Variants in CFAP46 observed in about 807,000 individuals in gnomAD.
The protein encoded by CFAP46 is cilia- and flagella-associated protein 46.
CFAP46 carries 245 observed loss-of-function variants against 325.7 expected under a neutral mutation model. The ratio of observed to expected loss-of-function variants is 0.75; its 90% CI spans 0.68 to 0.84. CFAP46 has a LOEUF of 0.84. CFAP46 is among the 40% of genes least tolerant of loss of function. CFAP46 has a pLI of 0.00. For synonymous variants in CFAP46, 1,523 were observed against 1,495.9 expected (o/e 1.02, Z -0.42); for missense variants, 3,346 against 3,543.0 (o/e 0.94, Z 1.41).
intron 4 of CFAP46, 123 bp downstream of exon 4, chr10:132,940,873 G>C (rs1199247112): frequency 2.1e-6 from 2 of 951,670 alleles, no homozygotes; most frequent in African/African-American, 1.6e-5. Context: ...ACACGTGCAT[G>C]AAAATCACAG....
chr10:132,842,011 G>C (rs73391244), intron 44 of CFAP46, among the ~76,000 whole-genome samples: 1 of 152,192 alleles, frequency 6.6e-6, no homozygotes, highest in Non-Finnish European at 1.5e-5. Context: ...TTTGGTGAAC[G>C]GTCTAGAGCC....
intron 57 of CFAP46, among the ~76,000 whole-genome samples, chr10:132,809,810 C>G (rs1847541681): frequency 6.6e-6 from 1 of 152,180 alleles, no homozygotes; most frequent in Non-Finnish European, 1.5e-5. Context: ...ATGTCCCGTG[C>G]CCCTTCCCGA....
chr10:132,882,361 G>C lies in CFAP46; in HGVS notation c.3628-1329C>G, dbSNP rs531763010. On this transcript the variant is annotated intron_variant, in intron 27 of 57. Transcript: ENST00000368586. ...TATAGGCTGTGTGGGGGTGGGATACGTGGGGTGTGTCTTGGTCACAGCTGT... is the reference window on the plus strand; with the variant it reads ...TATAGGCTGTGTGGGGGTGGGATACCTGGGGTGTGTCTTGGTCACAGCTGT... 2.6e-5 allele frequency among the ~76,000 whole-genome samples: 4 copies of C among 151,908 alleles called. No homozygotes were observed. In the East Asian group the frequency reaches 7.8e-4, roughly 29 times the overall value.
chr10:132,875,069 T>C (rs1434837017), intron 31 of CFAP46, among the ~76,000 whole-genome samples: 1 of 152,188 alleles, frequency 6.6e-6, no homozygotes, highest in Admixed American at 6.5e-5. Context: ...AAATGGATGC[T>C]TACAAGGCCA....
rs1564802623 is a variant in CFAP46 at position 132,924,238 on chromosome 10, G to GCCTGCCATGGTCCACCCTGATGCCTGCCA, written c.1256+457_1256+458insTGGCAGGCATCAGGGTGGACCATGGCAGG. On this transcript the variant is annotated intron_variant, in intron 11 of 57. Transcript: ENST00000368586. Reference sequence around the variant, plus strand: ...GCCATGGTCCACCCTGATGCCTGCCGCCTGCCTGCCATGGTCCACCGTGAT... The same window carrying GCCTGCCATGGTCCACCCTGATGCCTGCCA: ...GCCATGGTCCACCCTGATGCCTGCCGCCTGCCATGGTCCACCCTGATGCCTGCCACCTGCCTGCCATGGTCCACCGTGAT... Among the ~76,000 whole-genome samples the GCCTGCCATGGTCCACCCTGATGCCTGCCA allele has an allele frequency of 3.3e-4, 49 of 150,502 alleles. No homozygotes were observed. The East Asian group carries it at 8.8e-3, about 27-fold the overall frequency.
chr10:132,814,616 G>C lies in CFAP46; in HGVS notation c.7250-4C>G, dbSNP rs765026474. ...TCCTCGTATGGGTCCACGACGACTGGGTCCCGGTCAAGGAGAAACGGGAGC... is the reference window on the plus strand; with the variant it reads ...TCCTCGTATGGGTCCACGACGACTGCGTCCCGGTCAAGGAGAAACGGGAGC... On this transcript the variant is annotated splice_polypyrimidine_tract_variant and splice_region_variant and intron_variant, in intron 52 of 57. Transcript: ENST00000368586. 8 of 1,576,988 alleles carry C rather than the reference G, an allele frequency of 5.1e-6. No homozygotes were observed. The Admixed American group carries it at 1.5e-4, about 30-fold the overall frequency.
intron 22 of CFAP46, among the ~76,000 whole-genome samples, chr10:132,906,671 T>C (rs1401588339): frequency 1.9e-5 from 1 of 52,326 alleles, no homozygotes; most frequent in Non-Finnish European, 3.6e-5. Flanking sequence ...TCCTGGGCAC[T>C]GAGAAGAGTG....
intron 56 of CFAP46, chr10:132,810,724 G>C (rs1207310006): frequency 9.6e-6 from 7 of 725,552 alleles, no homozygotes; most frequent in Non-Finnish European, 1.8e-5. Context: ...GTGAGGCGCT[G>C]TGGGGACCCG....
chr10:132,850,128 C>T (rs1472000926), intron 41 of CFAP46, 116 bp downstream of exon 41: 15 of 1,065,442 alleles, frequency 1.4e-5, no homozygotes, highest in South Asian at 1.1e-4. Context: ...CTACATTTTT[C>T]TCTCTTCCTG....
chr10:132,923,170 G>T (rs985804851), intron 11 of CFAP46, among the ~76,000 whole-genome samples: 52 of 152,098 alleles, frequency 3.4e-4, no homozygotes, highest in South Asian at 2.1e-3. Flanking sequence ...AGCCATGTAG[G>T]GGTACCCCGG....
chr10:132,821,420 C>CGCTGATGTGTGCTGTGTGAGT (rs1847822058), intron 50 of CFAP46, among the ~76,000 whole-genome samples: 1 of 81,666 alleles, frequency 1.2e-5, no homozygotes, highest in Non-Finnish European at 2.3e-5. Context: ...GCTGTGTGAG[C>CGCTGATGTGTGCTGTGTGAGT]GCTGATGTGT....
chr10:132,857,491 T>A, intron 39 of CFAP46, 99 bp downstream of exon 39: 1 of 1,210,002 alleles, frequency 8.3e-7, no homozygotes. Context: ...CCATTTCAGC[T>A]AGAAGCAGAA....
At chr10:132,929,333 A>C in intron 9 of CFAP46, 1 of 611,206 alleles carries the variant, frequency 1.6e-6, no homozygotes, top group East Asian at 2.7e-5. Flanking sequence ...CAAACTGCAG[A>C]AAGTGAACTG....
intron 34 of CFAP46, among the ~76,000 whole-genome samples, chr10:132,867,150 C>A (rs1010695266): frequency 6.6e-6 from 1 of 151,580 alleles, no homozygotes; most frequent in Admixed American, 6.6e-5. Flanking sequence ...CACTGACACA[C>A]ACACAGGCCG....
At chr10:132,852,325 T>G (rs55995762) in intron 39 of CFAP46, among the ~76,000 whole-genome samples, 33 of 71,748 alleles carry the variant, frequency 4.6e-4, no homozygotes, top group Non-Finnish European at 5.8e-4. Context: ...CTCCATTTAC[T>G]TAGGAATTCT....
In CFAP46 at chr10:132,919,973, A is replaced by T. The variant is rs576691030; in HGVS notation, c.1730+86T>A. 1 of 1,412,092 alleles carries T rather than the reference A, an allele frequency of 7.1e-7. No individual in the cohort carries two copies. The highest frequency in any genetic ancestry group is 2.7e-5 in the East Asian group (1 of 37,056). The allele number at this position is 1,412,092 out of a possible 1,614,324, so 87.5% of individuals were successfully genotyped here. On this transcript the variant is annotated intron_variant, in intron 14 of 57. Transcript: ENST00000368586. This position sits in a 1 kb window ranked among gnomAD's most constrained non-coding sequence, Gnocchi z 9.7. ...TCCCCAGACGGCCACATGCAGGGTC[A>T]GCTCAGCCGCCACAGACACTGGCCC...
At chr10:132,821,670 C>CGCT (rs1461643184) in intron 50 of CFAP46, among the ~76,000 whole-genome samples, 2 of 96,734 alleles carry the variant, frequency 2.1e-5, no homozygotes, top group Non-Finnish European at 1.9e-5. Context: ...GCTGTGTGTG[C>CGCT]TGTGTGTGCT....
intron 22 of CFAP46, among the ~76,000 whole-genome samples, chr10:132,901,494 C>T (rs1024233814): frequency 8.5e-5 from 13 of 152,328 alleles, no homozygotes; most frequent in African/African-American, 2.2e-4. Context: ...TCACCAACCA[C>T]GGCTCTACCT....
chr10:132,898,014 G>A (rs1849341298), intron 24 of CFAP46, among the ~76,000 whole-genome samples: 2 of 152,130 alleles, frequency 1.3e-5, no homozygotes, highest in South Asian at 4.2e-4. Context: ...CCTCCCACTG[G>A]AGCTTTGGGT....
Sources: gnomAD v4.1 joint callset for allele counts (sites outside exome capture counted in the v4.1 genomes callset) on GRCh38, gnomAD v4.1.1 for gene constraint, Gnocchi (gnomAD v3.1) non-coding constraint, MANE v1.5 for transcripts, NCBI Gene and HGNC (gene_info 2026-07-23, HGNC 2026-07-21) for gene names.